The following INPP4B variants were observed in gnomAD, a reference collection of about 807,000 sequenced individuals.
The protein encoded by INPP4B is inositol polyphosphate 4-phosphatase type II.
Under a neutral mutation model 122.5 loss-of-function variants are expected in INPP4B, and 55 were observed. That is an observed-to-expected ratio of 0.45 (90% CI 0.36 to 0.56). The LOEUF (loss-of-function observed/expected upper bound fraction) is 0.56, where lower values mean the gene tolerates loss of function less well. Ranked by LOEUF, INPP4B falls within the 20% of genes least tolerant of loss-of-function variation. INPP4B has a pLI of 0.00. For synonymous variants in INPP4B, 403 were observed against 388.7 expected, an observed-to-expected ratio of 1.04 and a Z score of -0.43; for missense variants, 1,000 against 1,097.7, an observed-to-expected ratio of 0.91 and a Z score of 1.26.
At chr4:142,109,958 C>G (rs1233021918) in intron 22 of INPP4B, among the ~76,000 whole-genome samples, 1 of 152,028 alleles carries the variant, frequency 6.6e-6, no homozygotes, top group Non-Finnish European at 1.5e-5. Flanking sequence ...ATACAGACCC[C>G]AAAAATCTAG....
intron 1 of INPP4B, among the ~76,000 whole-genome samples, chr4:142,833,814 T>C (rs891234300): frequency 2.0e-5 from 3 of 152,144 alleles, no homozygotes; most frequent in Admixed American, 6.6e-5. Context: ...AAAGCATGCA[T>C]GTGAACAAAA....
In INPP4B at chr4:142,825,428, A is replaced by G. The variant is rs189526018; in HGVS notation, c.-254+20781T>C. ...TACCAGCAAGTTGTTTTCTTTCTAA[A>G]CTTTCTAGTCAACATATATGTGCAC... On this transcript the variant is annotated intron_variant, in intron 1 of 25. Transcript: ENST00000262992. 1.2e-3 allele frequency among the ~76,000 whole-genome samples: 184 copies of G among 152,180 alleles called. 1 individual carries two copies. The highest frequency in any genetic ancestry group is 2.1e-3 in the Non-Finnish European group (143 of 68,004).
intron 7 of INPP4B, among the ~76,000 whole-genome samples, chr4:142,388,908 T>A (rs967383660): frequency 6.6e-6 from 1 of 152,128 alleles, no homozygotes; most frequent in East Asian, 1.9e-4. Flanking sequence ...AACTGCATAT[T>A]TTCCTAAGCC....
At chr4:142,278,900 C>A (rs1272560355) in intron 9 of INPP4B, among the ~76,000 whole-genome samples, 1 of 151,934 alleles carries the variant, frequency 6.6e-6, no homozygotes, top group South Asian at 2.1e-4. Flanking sequence ...TTGGCTGTCA[C>A]CTGGATGACA....
At chr4:142,715,155 TTCA>T (rs35018426) in intron 2 of INPP4B, among the ~76,000 whole-genome samples, 3,917 of 152,250 alleles carry the variant, frequency 0.026, 58 homozygotes, top group South Asian at 0.05. Context: ...TAAAAAGATT[TTCA>T]TCATTGAATC....
intron 2 of INPP4B, among the ~76,000 whole-genome samples, chr4:142,720,803 C>CTATATATATA (rs1274255676): frequency 1.3e-3 from 24 of 18,660 alleles, no homozygotes; most frequent in Middle Eastern, 0.05. Context: ...CTCTCTCTCT[C>CTATATATATA]TCTCTCTATA....
intron 11 of INPP4B, among the ~76,000 whole-genome samples, chr4:142,252,292 C>T (rs926502918): frequency 2.7e-5 from 4 of 150,858 alleles, no homozygotes; most frequent in African/African-American, 9.7e-5. Context: ...GGGTTCACGC[C>T]ATTCTCCTGC....
chr4:142,609,866 T>G (rs575735349), intron 2 of INPP4B, among the ~76,000 whole-genome samples: 1 of 152,330 alleles, frequency 6.6e-6, no homozygotes, highest in South Asian at 2.1e-4. Flanking sequence ...AAACAGAATG[T>G]AATTATAATT....
chr4:142,113,459 A>C (rs1436671680), intron 21 of INPP4B, among the ~76,000 whole-genome samples: 1 of 152,022 alleles, frequency 6.6e-6, no homozygotes, highest in Non-Finnish European at 1.5e-5. Context: ...TAAGATATGC[A>C]CTGGGGAAAT....
intron 2 of INPP4B, among the ~76,000 whole-genome samples, chr4:142,482,295 C>T (rs1178111774): frequency 1.3e-5 from 2 of 152,148 alleles, no homozygotes; most frequent in Admixed American, 1.3e-4. Flanking sequence ...TATGGTAAGC[C>T]CATAACAGTG....
At chr4:142,552,838 C>T (rs13144094) in intron 2 of INPP4B, among the ~76,000 whole-genome samples, 89,933 of 152,020 alleles carry the variant, frequency 0.59, 28,078 homozygotes, top group Non-Finnish European at 0.7. Context: ...GCCCAAAGTC[C>T]TACAGCTTTG....
rs191547700 is a variant in INPP4B at position 142,836,248 on chromosome 4, A to G, written c.-254+9961T>C. Reference sequence around the variant, plus strand: ...CTAAAATTAGTTTGGAAGAAATATCAGTGAGAATGTCTTAAAAGGGGCACA... The same window carrying G: ...CTAAAATTAGTTTGGAAGAAATATCGGTGAGAATGTCTTAAAAGGGGCACA... On this transcript the variant is annotated intron_variant, in intron 1 of 25. Coordinates refer to ENST00000262992, the MANE Select transcript of INPP4B (RefSeq NM_001101669.3). 1.6e-4 allele frequency among the ~76,000 whole-genome samples: 25 copies of G among 152,296 alleles called. No individual in the cohort carries two copies. In the East Asian group the frequency reaches 3.9e-3, roughly 24 times the overall value.
intron 7 of INPP4B, among the ~76,000 whole-genome samples, chr4:142,371,541 T>C (rs950064809): frequency 2.6e-5 from 4 of 152,024 alleles, no homozygotes; most frequent in African/African-American, 9.7e-5. Flanking sequence ...AAGGGACTAA[T>C]ATCCAGAATA....
intron 7 of INPP4B, among the ~76,000 whole-genome samples, chr4:142,343,782 A>C (rs1779425429): frequency 6.6e-6 from 1 of 151,934 alleles, no homozygotes; most frequent in South Asian, 2.1e-4. Flanking sequence ...AAACCACTAA[A>C]TCTCTTTGAC....
chr4:142,164,534 A>G (rs1821728604), intron 16 of INPP4B, among the ~76,000 whole-genome samples: 1 of 151,770 alleles, frequency 6.6e-6, no homozygotes, highest in Non-Finnish European at 1.5e-5. Context: ...AACATTCCCT[A>G]AAGGAAAGCA....
chr4:142,554,368 A>T (rs74412881), intron 2 of INPP4B, among the ~76,000 whole-genome samples: 1 of 14,702 alleles, frequency 6.8e-5, no homozygotes, highest in Non-Finnish European at 4.7e-4. Context: ...GCAATAGTAA[A>T]AAAAAAAAAA....
At chr4:142,492,816 G>A (rs1481987524) in intron 2 of INPP4B, among the ~76,000 whole-genome samples, 1 of 152,118 alleles carries the variant, frequency 6.6e-6, no homozygotes, top group African/African-American at 2.4e-5. Flanking sequence ...GCTTGCTGCA[G>A]AAATTTGCAT....
At position 142,468,952 on chromosome 4, in the gene INPP4B, A is replaced by C. The variant is rs140078179; in HGVS notation, c.-190-6226T>G. On this transcript the variant is annotated intron_variant, in intron 2 of 25. Coordinates refer to ENST00000262992, the MANE Select transcript of INPP4B (RefSeq NM_001101669.3). ...AATATGTGTCTTGGAAATTATTCAC[A>C]TATAGCTACTAGAATCTAGATTAAA... Among the ~76,000 whole-genome samples, 6 of 152,328 alleles carry C rather than the reference A, an allele frequency of 3.9e-5. No homozygotes were observed. The East Asian group carries it at 1.2e-3, about 29-fold the overall frequency.
At chr4:142,407,008 C>T (rs1163949953) in intron 5 of INPP4B, among the ~76,000 whole-genome samples, 2 of 152,122 alleles carry the variant, frequency 1.3e-5, no homozygotes, top group East Asian at 3.9e-4. Flanking sequence ...CGCCACACCA[C>T]GATTATTACT....
Sources: gnomAD v4.1 joint callset for allele counts (sites outside exome capture counted in the v4.1 genomes callset) on GRCh38, gnomAD v4.1.1 for gene constraint, MANE v1.5 for transcripts, NCBI Gene and HGNC (gene_info 2026-07-23, HGNC 2026-07-21) for gene names.